Variants in EIF4A1 observed in about 807,000 individuals in gnomAD.
EIF4A1 encodes the protein eukaryotic initiation factor 4A-I.
EIF4A1 carries 11 observed loss-of-function variants against 53.5 expected under a neutral mutation model. The observed-to-expected ratio is 0.21, with a 90% CI of 0.13 to 0.34. The LOEUF (loss-of-function observed/expected upper bound fraction) is 0.34. Ranked by LOEUF, EIF4A1 falls within the 10% of genes least tolerant of loss-of-function variation. The probability of loss-of-function intolerance (pLI) is 1.00; values close to 1 mark genes in which losing one functional copy is unlikely to be tolerated. For missense variants in EIF4A1, 213 were observed against 530.8 expected, an observed-to-expected ratio of 0.40 and a Z score of 5.88; for synonymous variants, 237 against 186.7, an observed-to-expected ratio of 1.27 and a Z score of -2.20.
chr17:7,578,681 C>T lies in EIF4A1; in HGVS notation c.*195C>T, dbSNP rs2071436179. ...TTTTCTTTGGGGTAGGCTCTTGCCCCAGGCGCCGGCTCTTCTCCCAAAAAA... is the reference window on the plus strand; with the variant it reads ...TTTTCTTTGGGGTAGGCTCTTGCCCTAGGCGCCGGCTCTTCTCCCAAAAAA... On this transcript the variant is annotated 3_prime_UTR_variant, in exon 11 of 11. Coordinates refer to ENST00000293831, the MANE Select transcript of EIF4A1 (RefSeq NM_001416.4). 6.1e-6 allele frequency: 3 copies of T among 490,050 alleles called. No individual in the cohort carries two copies. Among genetic ancestry groups the T allele is most frequent in the Non-Finnish European group, 9.8e-6 (3 of 306,916 alleles). The allele number at this position is 490,050 out of a possible 1,614,324, so 30.4% of individuals were successfully genotyped here. A position where few individuals can be genotyped will look rare whatever the true frequency, so the allele number is the denominator to read the frequency against.
chr17:7,574,827 G>A lies in EIF4A1; in HGVS notation c.205+149G>A, dbSNP rs771875100. On this transcript the variant is annotated intron_variant, in intron 3 of 10. Coordinates refer to ENST00000293831, the MANE Select transcript of EIF4A1 (RefSeq NM_001416.4). ...GGCTTTTGATCCGTGCCCATGCCTG[G>A]TTCATGCCTTGGACACATAGGTTTC... 2.2e-6 allele frequency: 3 copies of A among 1,344,974 alleles called. No individual in the cohort carries two copies. In the Admixed American group the frequency reaches 5.0e-5, roughly 23 times the overall value. The allele number at this position is 1,344,974 out of a possible 1,614,324, so 83.3% of individuals were successfully genotyped here. A position where few individuals can be genotyped will look rare whatever the true frequency, so the allele number is the denominator to read the frequency against.
intron 5 of EIF4A1, 148 bp downstream of exon 5, chr17:7,576,840 TG>T: frequency 6.8e-7 from 1 of 1,460,242 alleles, no homozygotes; most frequent in Non-Finnish European, 9.5e-7. Context: ...GCGTGTCATC[TG>T]AGCCTCTGGC....
chr17:7,578,097 T>C (rs765712852), intron 9 of EIF4A1, 68 bp from the exon 10 acceptor site: 17 of 1,608,510 alleles, frequency 1.1e-5, no homozygotes, highest in African/African-American at 2.7e-5. Context: ...CATGGATGCC[T>C]AAGTGTCTTC....
intron 4 of EIF4A1, 46 bp downstream of exon 4, chr17:7,575,304 A>G (rs2071385634): frequency 6.2e-7 from 1 of 1,611,684 alleles, no homozygotes; most frequent in Admixed American, 1.7e-5. Context: ...TTTAGGGATG[A>G]TGAGTATAAT....
intron 9 of EIF4A1, 103 bp downstream of exon 9, chr17:7,578,019 G>C (rs1179266479): frequency 1.3e-6 from 2 of 1,577,088 alleles, no homozygotes; most frequent in East Asian, 2.2e-5. Flanking sequence ...GCTTGGAATA[G>C]AATCTGGCAT....
At position 7,574,110 on chromosome 17, in the gene EIF4A1, C is replaced by T. The variant is rs1433599357; in HGVS notation, c.24-150C>T. ...ATGCCTCAGTTTTATAGAAACTCCT[C>T]CTTTGGGTATTTTTTGGGAGCTGGT... On this transcript the variant is annotated intron_variant, in intron 1 of 10. Coordinates refer to ENST00000293831, the MANE Select transcript of EIF4A1 (RefSeq NM_001416.4). 1.5e-5 allele frequency: 13 copies of T among 865,956 alleles called. No individual in the cohort carries two copies. In the East Asian group the frequency reaches 3.2e-4, roughly 21 times the overall value. 53.6% of individuals were successfully genotyped at this position (865,956 alleles called of 1,614,324 possible). A position where few individuals can be genotyped will look rare whatever the true frequency, so the allele number is the denominator to read the frequency against.
At chr17:7,576,747 C>T in intron 5 of EIF4A1, 55 bp downstream of exon 5, 2 of 1,566,232 alleles carry the variant, frequency 1.3e-6, no homozygotes, top group South Asian at 2.4e-5. Flanking sequence ...TGCACGCTTT[C>T]CAGTCTTTCA....
Position 7,578,723 on chromosome 17 carries a change from T to G in EIF4A1, c.*237T>G. On this transcript the variant is annotated 3_prime_UTR_variant, in exon 11 of 11. Coordinates refer to ENST00000293831, the MANE Select transcript of EIF4A1 (RefSeq NM_001416.4). ...CCCAAAAAAAAAAAAAAAACACTAA[T>G]CCATTTCCCTAACCTAGTAACCTCC... The G allele has an allele frequency of 5.6e-6, 2 of 359,964 alleles. No homozygotes were observed. The highest frequency in any genetic ancestry group is 9.8e-6 in the Non-Finnish European group (2 of 204,050). 22.3% of individuals were successfully genotyped at this position (359,964 alleles called of 1,614,324 possible). A position where few individuals can be genotyped will look rare whatever the true frequency, so the allele number is the denominator to read the frequency against.
At chr17:7,574,393 C>T (rs1036452455) in intron 2 of EIF4A1, 85 bp downstream of exon 2, 3 of 1,608,282 alleles carry the variant, frequency 1.9e-6, no homozygotes, top group African/African-American at 1.3e-5. Flanking sequence ...ATTGATTTCC[C>T]AGATCATCTA....
chr17:7,576,953 AG>A lies in EIF4A1; in HGVS notation c.515-102del, dbSNP rs770059647. On this transcript the variant is annotated intron_variant, in intron 5 of 10. Coordinates refer to ENST00000293831, the MANE Select transcript of EIF4A1 (RefSeq NM_001416.4). ...GGATCAGTCTTTGTACTCTGAGAGCAGACTACTTGGCTCCTCTCTGTTTTTT... is the reference window on the plus strand; with the variant it reads ...GGATCAGTCTTTGTACTCTGAGAGCAACTACTTGGCTCCTCTCTGTTTTTT... 18 of 1,419,074 alleles carry A rather than the reference AG, an allele frequency of 1.3e-5. No individual in the cohort carries two copies. In the Admixed American group the frequency reaches 3.0e-4, roughly 24 times the overall value. 87.9% of individuals were successfully genotyped at this position (1,419,074 alleles called of 1,614,324 possible).
At position 7,578,254 on chromosome 17, in the gene EIF4A1, G is replaced by T. The variant is rs539581541; in HGVS notation, c.1076+10G>T. ...AAAACTATATCCACAGGTAAGCGTAGATCTGGAACACTCCCCTACCCCTTC... is the reference window on the plus strand; with the variant it reads ...AAAACTATATCCACAGGTAAGCGTATATCTGGAACACTCCCCTACCCCTTC... On this transcript the variant is annotated intron_variant, in intron 10 of 10. Transcript: ENST00000293831. The T allele has an allele frequency of 1.9e-6, 3 of 1,614,058 alleles. No homozygotes were observed. Among genetic ancestry groups the T allele is most frequent in the Non-Finnish European group, 2.5e-6 (3 of 1,180,036 alleles).
chr17:7,575,574 CA>C (rs2071389510), intron 4 of EIF4A1: 4 of 450,938 alleles, frequency 8.9e-6, no homozygotes, highest in Non-Finnish European at 1.6e-5. Context: ...TTACAGTAGT[CA>C]GAGCAGATGG....
At chr17:7,574,700 A>G (rs1207479456) in intron 3 of EIF4A1, 22 bp downstream of exon 3, 3 of 1,612,038 alleles carry the variant, frequency 1.9e-6, no homozygotes, top group Non-Finnish European at 2.5e-6. Flanking sequence ...CAGTCCCAGA[A>G]GACATTGTGG....
chr17:7,574,935 G>A, intron 3 of EIF4A1, 184 bp from the exon 4 acceptor site: 1 of 1,019,238 alleles, frequency 9.8e-7, no homozygotes, highest in Non-Finnish European at 1.5e-6. Flanking sequence ...AATACTAGAT[G>A]AGTTAATAAC....
intron 1 of EIF4A1, 161 bp from the exon 2 acceptor site, chr17:7,574,099 T>C (rs538017786): frequency 3.8e-6 from 3 of 794,416 alleles, no homozygotes; most frequent in African/African-American, 1.7e-5. Context: ...CTCAGTTTTA[T>C]AGAAACTCCT....
rs1343678964 is a variant in EIF4A1, at chr17:7,577,946, G to A, written c.996+30G>A. 5 of 1,613,590 alleles carry A rather than the reference G, an allele frequency of 3.1e-6. No individual in the cohort carries two copies. Among genetic ancestry groups the A allele is most frequent in the Non-Finnish European group, 3.4e-6 (4 of 1,179,484 alleles). The stretch of plus-strand genomic sequence containing the variant: ...GTAGAGGGAACTGATAGCAAAGGCA[G>A]AAGGGAGGATCCAAGGTGATTCCCT... On this transcript the variant is annotated intron_variant, in intron 9 of 10. Coordinates refer to ENST00000293831, the MANE Select transcript of EIF4A1 (RefSeq NM_001416.4). This position sits in a 1 kb window ranked among gnomAD's most constrained non-coding sequence, Gnocchi z 4.7.
At chr17:7,578,303 A>G in intron 10 of EIF4A1, 39 bp from the exon 11 acceptor site, 2 of 1,610,492 alleles carry the variant, frequency 1.2e-6, no homozygotes, top group Non-Finnish European at 1.7e-6. Flanking sequence ...CCTGGGCTTA[A>G]AGCTCCTGAT....
chr17:7,575,412 C>T (rs1381889216), intron 4 of EIF4A1, 154 bp downstream of exon 4: 1 of 1,128,766 alleles, frequency 8.9e-7, no homozygotes, highest in African/African-American at 1.5e-5. Flanking sequence ...AAAGCTATTT[C>T]TTACCCAAAC....
rs1280149606 is a variant in EIF4A1 at position 7,575,144 on chromosome 17, A to C, written c.231A>C (p.Gln77His). The C allele has an allele frequency of 1.2e-6, 2 of 1,612,214 alleles. No homozygotes were observed. Among genetic ancestry groups the C allele is most frequent in the African/African-American group, 2.7e-5 (2 of 74,848 alleles). The change falls in exon 4 of 11, where the codon CAA becomes CAC. Residue 77 changes from glutamine to histidine, a missense_variant. Transcript: ENST00000293831. ...IKGYDVIAQA[Q>H]SGTGKTATFA... ...GTTATGATGTGATTGCTCAAGCCCA[A>C]TCTGGGACTGGGAAAACGGCCACAT... is the stretch of plus-strand genomic sequence containing the variant.
Sources: allele counts gnomAD v4.1 joint callset, GRCh38; gene constraint gnomAD v4.1.1; non-coding constraint Gnocchi (gnomAD v3.1); transcripts MANE v1.5; gene names NCBI Gene and HGNC (gene_info 2026-07-23, HGNC 2026-07-21).